The following SPTLC3 variants were observed in gnomAD, a reference collection of about 807,000 sequenced individuals.
SPTLC3 encodes serine palmitoyltransferase long chain base subunit 3, also known as serine palmitoyltransferase 3.
Under a neutral mutation model 59.3 loss-of-function variants are expected in SPTLC3, and 36 were observed. The ratio of observed to expected loss-of-function variants is 0.61; its 90% CI spans 0.47 to 0.80. The LOEUF is 0.80. SPTLC3 is among the 30% of genes least tolerant of loss of function. The pLI is 0.00. For synonymous variants in SPTLC3, 257 were observed against 240.8 expected, an observed-to-expected ratio of 1.07 and a Z score of -0.62; for missense variants, 625 against 685.1, an observed-to-expected ratio of 0.91 and a Z score of 0.98.
chr20:13,106,976 G>C (rs540124166), intron 6 of SPTLC3, among the ~76,000 whole-genome samples: 3 of 152,328 alleles, frequency 2.0e-5, no homozygotes, highest in African/African-American at 7.2e-5. Flanking sequence ...ACAGAAGAAG[G>C]AACTCAAATG....
At chr20:13,120,934 G>A (rs2037851697) in intron 8 of SPTLC3, among the ~76,000 whole-genome samples, 1 of 152,224 alleles carries the variant, frequency 6.6e-6, no homozygotes, top group Non-Finnish European at 1.5e-5. Context: ...ACATGGAGGA[G>A]TCTGTCCTTT....
intron 10 of SPTLC3, among the ~76,000 whole-genome samples, chr20:13,159,655 C>G (rs1404951679): frequency 1.3e-5 from 2 of 151,934 alleles, no homozygotes; most frequent in Non-Finnish European, 2.9e-5. Context: ...ACCTAGGGAC[C>G]CTGCAGATGG....
chr20:13,059,462 C>T (rs1987863623), intron 2 of SPTLC3, among the ~76,000 whole-genome samples: 1 of 152,190 alleles, frequency 6.6e-6, no homozygotes, highest in East Asian at 1.9e-4. Flanking sequence ...TCGGCTACCA[C>T]CTGCATTCAG....
chr20:13,145,692 A>C (rs2038493552), intron 9 of SPTLC3, among the ~76,000 whole-genome samples: 2 of 152,228 alleles, frequency 1.3e-5, no homozygotes, highest in Non-Finnish European at 2.9e-5. Flanking sequence ...GGCAATCCTA[A>C]GTAAAAAGAA....
chr20:13,068,139 T>C (rs1171795348), intron 2 of SPTLC3, among the ~76,000 whole-genome samples: 3 of 152,190 alleles, frequency 2.0e-5, no homozygotes, highest in African/African-American at 7.2e-5. Flanking sequence ...ACTTGGAAAA[T>C]TATAAATTAT....
intron 2 of SPTLC3, chr20:13,050,317 C>T (rs1164193751): frequency 6.6e-6 from 1 of 152,032 alleles, no homozygotes; most frequent in Non-Finnish European, 1.5e-5. Context: ...TAGAATTGAA[C>T]TAGTAGAAGA....
At chr20:13,151,981 C>G (rs915942591) in intron 9 of SPTLC3, among the ~76,000 whole-genome samples, 3 of 151,698 alleles carry the variant, frequency 2.0e-5, no homozygotes, top group Non-Finnish European at 4.4e-5. Context: ...TCAACTGCCT[C>G]TACTAAAAAA....
intron 4 of SPTLC3, 57 bp from the exon 5 acceptor site, chr20:13,091,026 T>C: frequency 1.9e-6 from 3 of 1,599,810 alleles, no homozygotes; most frequent in Non-Finnish European, 2.6e-6. Context: ...ATTTGAGTTT[T>C]CAATCTTGGC....
chr20:13,032,967 A>G (rs1264043123), intron 1 of SPTLC3, among the ~76,000 whole-genome samples: 1 of 152,202 alleles, frequency 6.6e-6, no homozygotes, highest in Non-Finnish European at 1.5e-5. Flanking sequence ...TTTGTAACTT[A>G]TCACTCTCTT....
chr20:13,114,092 A>C (rs993741539), intron 7 of SPTLC3, among the ~76,000 whole-genome samples: 7 of 152,220 alleles, frequency 4.6e-5, no homozygotes, highest in Non-Finnish European at 1.0e-4. Context: ...TGTAAATAGA[A>C]GAGTCAGCCC....
chr20:13,167,820 T>G lies in SPTLC3; in HGVS notation c.*2953T>G, dbSNP rs1302285863. 2 of 152,224 alleles carry G rather than the reference T, an allele frequency of 1.3e-5. No homozygotes were observed. The highest frequency in any genetic ancestry group is 3.9e-4 in the East Asian group (2 of 5,192). 9.4% of individuals were successfully genotyped at this position (152,224 alleles called of 1,614,324 possible). On this transcript the variant is annotated 3_prime_UTR_variant, in exon 12 of 12. Coordinates refer to ENST00000399002, the MANE Select transcript of SPTLC3 (RefSeq NM_018327.4). ...ATAATAGTTGTAGTGCCCAGGAATC[T>G]ACATTTTTAACCAGCCTTCCTGCGT...
intron 9 of SPTLC3, among the ~76,000 whole-genome samples, chr20:13,149,300 T>C (rs144607575): frequency 1.3e-3 from 197 of 152,320 alleles, no homozygotes; most frequent in African/African-American, 4.4e-3. Flanking sequence ...AAGCTTCCCT[T>C]TGCCATCCTA....
intron 9 of SPTLC3, among the ~76,000 whole-genome samples, chr20:13,137,748 ATC>A (rs780031658): frequency 7.2e-5 from 11 of 152,202 alleles, no homozygotes; most frequent in Non-Finnish European, 1.0e-4. Context: ...AACGAAGGGA[ATC>A]TCTCTACAAA....
chr20:13,103,404 G>C lies in SPTLC3; in HGVS notation c.827-6708G>C, dbSNP rs188866639. The stretch of plus-strand genomic sequence containing the variant: ...GAAGGATGAAACTGCATGTCCAAAG[G>C]AATAAGAGGAGTGGATATAGAGATG... On this transcript the variant is annotated intron_variant, in intron 6 of 11. Transcript: ENST00000399002. 1.2e-4 allele frequency among the ~76,000 whole-genome samples: 18 copies of C among 152,282 alleles called. No individual in the cohort carries two copies. In the East Asian group the frequency reaches 3.5e-3, roughly 29 times the overall value.
At chr20:13,062,208 C>T (rs770841382) in intron 2 of SPTLC3, among the ~76,000 whole-genome samples, 6 of 152,130 alleles carry the variant, frequency 3.9e-5, no homozygotes, top group African/African-American at 7.2e-5. Flanking sequence ...CAACACAATC[C>T]CCCATCTCCC....
At chr20:13,009,539 A>G (rs908115319) in intron 1 of SPTLC3, among the ~76,000 whole-genome samples, 155 bp downstream of exon 1, 5 of 152,212 alleles carry the variant, frequency 3.3e-5, no homozygotes, top group African/African-American at 1.2e-4. Flanking sequence ...GTGCTTGGCT[A>G]CCAAAAAGTT....
chr20:13,128,254 T>G (rs1316298899), intron 9 of SPTLC3, among the ~76,000 whole-genome samples: 1 of 152,190 alleles, frequency 6.6e-6, no homozygotes. Context: ...GTAGGAAGCA[T>G]CCTTATGACA....
chr20:13,030,760 C>T (rs1404558240), intron 1 of SPTLC3, among the ~76,000 whole-genome samples: 1 of 152,110 alleles, frequency 6.6e-6, no homozygotes, highest in East Asian at 1.9e-4. Flanking sequence ...GCACACCCTC[C>T]TTACCATTCC....
intron 1 of SPTLC3, among the ~76,000 whole-genome samples, chr20:13,036,904 C>T (rs972765754): frequency 5.3e-5 from 8 of 152,096 alleles, no homozygotes; most frequent in Admixed American, 3.3e-4. Flanking sequence ...AAGCCTCAAA[C>T]GTGGGTAGAT....
Sources: allele counts gnomAD v4.1 joint callset (sites outside exome capture counted in the v4.1 genomes callset), GRCh38; gene constraint gnomAD v4.1.1; transcripts MANE v1.5; gene names NCBI Gene and HGNC (gene_info 2026-07-23, HGNC 2026-07-21).